The following DAPK1 variants were observed in gnomAD, a reference collection of about 807,000 sequenced individuals.
The protein encoded by DAPK1 is death associated protein kinase 1.
In DAPK1, 56 loss-of-function variants were observed where a neutral mutation model predicts 144.9. The observed-to-expected ratio is 0.39, with a 90% confidence interval of 0.31 to 0.48. The LOEUF is 0.48. DAPK1 is among the 20% of genes least tolerant of loss of function. The pLI, the probability that DAPK1 is intolerant of heterozygous loss-of-function variation, is 0.95. For missense variants in DAPK1, 1,454 were observed against 1,875.4 expected (o/e 0.78, Z 4.15); for synonymous variants, 690 against 749.0 (o/e 0.92, Z 1.29).
In DAPK1 at chr9:87,671,693, G is replaced by A. The variant is rs36217074; in HGVS notation, c.2001+3019G>A. On this transcript the variant is annotated intron_variant, in intron 19 of 25. Transcript: ENST00000408954. ...CCCACCTGGCTAATTTTTAACATTTGTATTAGCAACTATGTCTCAATACAT... is the reference window on the plus strand; with the variant it reads ...CCCACCTGGCTAATTTTTAACATTTATATTAGCAACTATGTCTCAATACAT... Among the ~76,000 whole-genome samples the A allele has an allele frequency of 4.4e-3, 667 of 152,166 alleles. 4 individuals are homozygous for A. The highest frequency in any genetic ancestry group is 7.7e-3 in the Non-Finnish European group (526 of 68,018).
intron 18 of DAPK1, among the ~76,000 whole-genome samples, chr9:87,663,131 C>A (rs964447805): frequency 6.6e-6 from 1 of 152,080 alleles, no homozygotes; most frequent in African/African-American, 2.4e-5. Flanking sequence ...CAAGTCTGCA[C>A]GTCCTGTCCC....
chr9:87,546,868 A>G (rs1008857163), intron 2 of DAPK1, among the ~76,000 whole-genome samples: 3 of 152,072 alleles, frequency 2.0e-5, no homozygotes, highest in Non-Finnish European at 2.9e-5. Context: ...TAAAGAAAAA[A>G]AAAATCAGCC....
In DAPK1 at chr9:87,505,541, G is replaced by A. The variant is rs77755327; in HGVS notation, c.62+6402G>A. Among the ~76,000 whole-genome samples, 7 of 152,040 alleles carry A rather than the reference G, an allele frequency of 4.6e-5. No individual in the cohort carries two copies. The East Asian group carries it at 9.7e-4, about 21-fold the overall frequency. On this transcript the variant is annotated intron_variant, in intron 2 of 25. Coordinates refer to ENST00000408954, the MANE Select transcript of DAPK1 (RefSeq NM_004938.4). Reference sequence around the variant, plus strand: ...CTCCCAAGTAGCTGGGATTACAGGCGCCTGCCACCGTGCCTGGCTTATTTT... The same window carrying A: ...CTCCCAAGTAGCTGGGATTACAGGCACCTGCCACCGTGCCTGGCTTATTTT...
At position 87,508,470 on chromosome 9, in the gene DAPK1, G is replaced by A. The variant is rs1038415553; in HGVS notation, c.62+9331G>A. On this transcript the variant is annotated intron_variant, in intron 2 of 25. Coordinates refer to ENST00000408954, the MANE Select transcript of DAPK1 (RefSeq NM_004938.4). The stretch of plus-strand genomic sequence containing the variant: ...CCATTCTCCTGCCTCAGCCTCCCGA[G>A]TAGCTGGGACTACAGGTGCCCGCCA... Among the ~76,000 whole-genome samples, 3 of 151,876 alleles carry A rather than the reference G, an allele frequency of 2.0e-5. No homozygotes were observed. The East Asian group carries it at 5.8e-4, about 29-fold the overall frequency.
In DAPK1 at chr9:87,613,610, C is replaced by T. The variant is rs1371722201; in HGVS notation, c.284+8435C>T. 2.0e-5 allele frequency among the ~76,000 whole-genome samples: 3 copies of T among 152,190 alleles called. No homozygotes were observed. In the South Asian group the frequency reaches 6.2e-4, roughly 32 times the overall value. ...GTAGACGAACACATGGTGCCTTGGT[C>T]AGCAAGATCAGAATCGCAAGAGCCT... is the stretch of plus-strand genomic sequence containing the variant. On this transcript the variant is annotated intron_variant, in intron 3 of 25. Transcript: ENST00000408954.
Position 87,707,104 on chromosome 9 carries a change from A to G in DAPK1, c.4033A>G (p.Thr1345Ala). Residue 1345 changes from threonine to alanine, a missense_variant, in exon 26 of 26, where the codon ACC (threonine) becomes GCC (alanine). Physicochemically the swap from Thr to Ala is moderately conservative, Grantham distance 58 (BLOSUM62 0). Around this residue, in one of 2 missense-constraint regions of DAPK1, gnomAD observed 1,025 missense variants for 1,237.9 expected, o/e 0.83. Coordinates refer to ENST00000408954, the MANE Select transcript of DAPK1 (RefSeq NM_004938.4). This position sits in a 1 kb window ranked among gnomAD's most constrained non-coding sequence, Gnocchi z 4.0. ...CCCTGACCTCGTGGCAAAGTACAAC[A>G]CCAGTAACGGGGCTCCCAAGGATTT... is the stretch of plus-strand genomic sequence containing the variant. ...GLPDLVAKYN[T>A]SNGAPKDFLP... 6.2e-7 allele frequency: 1 copy of G among 1,613,952 alleles called. No homozygotes were observed. Among genetic ancestry groups the G allele is most frequent in the Non-Finnish European group, 8.5e-7 (1 of 1,179,930 alleles).
intron 21 of DAPK1, among the ~76,000 whole-genome samples, chr9:87,695,943 TGTCCCC>T (rs1825243647): frequency 6.6e-6 from 1 of 152,214 alleles, no homozygotes. Flanking sequence ...GTGGGCAGTT[TGTCCCC>T]GGCTCCTTCC....
chr9:87,550,537 T>G (rs77335634), intron 2 of DAPK1, among the ~76,000 whole-genome samples: 2,301 of 152,344 alleles, frequency 0.015, 27 homozygotes, highest in Non-Finnish European at 0.019. Flanking sequence ...TGTCCAAATT[T>G]CCCCCTAAGG....
intron 22 of DAPK1, among the ~76,000 whole-genome samples, chr9:87,697,777 A>G (rs539663939): frequency 6.6e-6 from 1 of 152,132 alleles, no homozygotes; most frequent in East Asian, 1.9e-4. Context: ...ACATGGCAAA[A>G]CCTCATCTCT....
At chr9:87,663,131 C>T (rs964447805) in intron 18 of DAPK1, among the ~76,000 whole-genome samples, 2 of 152,080 alleles carry the variant, frequency 1.3e-5, no homozygotes, top group African/African-American at 4.8e-5. Context: ...CAAGTCTGCA[C>T]GTCCTGTCCC....
Position 87,686,346 on chromosome 9 carries a change from G to T in DAPK1, c.2225-205G>T, listed in dbSNP as rs1184335251. ...AGGGCGGGGCAGAAAAGGTTGTGGG[G>T]AGGTAGAGCAAGCGGAAAAGCCCAC... On this transcript the variant is annotated intron_variant, in intron 20 of 25. Coordinates refer to ENST00000408954, the MANE Select transcript of DAPK1 (RefSeq NM_004938.4). This position sits in a 1 kb window ranked among gnomAD's most constrained non-coding sequence, Gnocchi z 4.2. Among the ~76,000 whole-genome samples the T allele has an allele frequency of 6.6e-6, 1 of 152,154 alleles. No individual in the cohort carries two copies. Among genetic ancestry groups the T allele is most frequent in the African/African-American group, 2.4e-5 (1 of 41,442 alleles).
At chr9:87,563,725 C>T (rs1313783607) in intron 2 of DAPK1, among the ~76,000 whole-genome samples, 1 of 152,220 alleles carries the variant, frequency 6.6e-6, no homozygotes, top group East Asian at 1.9e-4. Flanking sequence ...CCAGCACCTC[C>T]CACCCCACCG....
chr9:87,513,737 T>C (rs375144638), intron 2 of DAPK1, among the ~76,000 whole-genome samples: 13 of 152,380 alleles, frequency 8.5e-5, no homozygotes, highest in Admixed American at 2.0e-4. Context: ...TTTTGTGTCC[T>C]GTTCTACTGT....
chr9:87,635,801 C>T (rs1272690395), intron 3 of DAPK1, among the ~76,000 whole-genome samples: 2 of 152,110 alleles, frequency 1.3e-5, no homozygotes, highest in African/African-American at 2.4e-5. Flanking sequence ...AGGGTGAGCG[C>T]GTGGCAGAAG....
chr9:87,700,100 T>C lies in DAPK1; in HGVS notation c.2751-17T>C. On this transcript the variant is annotated splice_polypyrimidine_tract_variant and intron_variant, in intron 23 of 25. Transcript: ENST00000408954. The stretch of plus-strand genomic sequence containing the variant: ...GACATTGACTCACTGCTGAGGAGGC[T>C]GCTGCTCTTCCCTTAGGTTTGGAAA... 1 of 1,608,920 alleles carries C rather than the reference T, an allele frequency of 6.2e-7. No homozygotes were observed. The highest frequency in any genetic ancestry group is 8.5e-7 in the Non-Finnish European group (1 of 1,175,366).
chr9:87,513,970 A>G (rs945897336), intron 2 of DAPK1, among the ~76,000 whole-genome samples: 5 of 152,166 alleles, frequency 3.3e-5, no homozygotes, highest in African/African-American at 1.2e-4. Flanking sequence ...AGCAGCATCC[A>G]TGGACTCTAC....
chr9:87,589,128 C>T (rs1051475367), intron 2 of DAPK1, among the ~76,000 whole-genome samples: 8 of 143,266 alleles, frequency 5.6e-5, no homozygotes, highest in Non-Finnish European at 3.0e-5. Flanking sequence ...AGGCTAGTCT[C>T]GAACTCCTGA....
intron 2 of DAPK1, among the ~76,000 whole-genome samples, chr9:87,549,170 TACAA>T (rs1826379361): frequency 6.6e-6 from 1 of 152,130 alleles, no homozygotes; most frequent in South Asian, 2.1e-4. Context: ...AGCTCCCACT[TACAA>T]GTGAGAACAT....
chr9:87,614,250 T>A (rs1829021831), intron 3 of DAPK1, among the ~76,000 whole-genome samples: 2 of 152,198 alleles, frequency 1.3e-5, no homozygotes, highest in African/African-American at 4.8e-5. Context: ...ATAGGAGTCT[T>A]ACAAACAAAC....
Sources: allele counts gnomAD v4.1 joint callset (sites outside exome capture counted in the v4.1 genomes callset), GRCh38; gene constraint gnomAD v4.1.1; regional missense constraint gnomAD v4.1.1; non-coding constraint Gnocchi (gnomAD v3.1); transcripts MANE v1.5; gene names NCBI Gene and HGNC (gene_info 2026-07-23, HGNC 2026-07-21).